Variants in ANKRD11 observed in about 807,000 individuals in gnomAD.
The protein encoded by ANKRD11 is ankyrin repeat domain-containing protein 11.
A neutral mutation model predicts 195.7 loss-of-function variants in ANKRD11; 17 were observed. That is an observed-to-expected ratio of 0.09 (90% CI 0.06 to 0.13). The LOEUF (loss-of-function observed/expected upper bound fraction) is 0.13, where lower values mean the gene tolerates loss of function less well. ANKRD11 is among the 10% of genes least tolerant of loss of function. The pLI is 1.00. For missense variants in ANKRD11, 3,735 were observed against 3,566.1 expected, an observed-to-expected ratio of 1.05 and a Z score of -1.21; for synonymous variants, 1,953 against 1,528.1, an observed-to-expected ratio of 1.28 and a Z score of -6.49.
At chr16:89,452,583 C>G (rs1206710451) in intron 1 of ANKRD11, among the ~76,000 whole-genome samples, 1 of 151,856 alleles carries the variant, frequency 6.6e-6, no homozygotes. Flanking sequence ...TTGAGACCAG[C>G]CTGGCCAACA....
chr16:89,483,948 A>C lies in ANKRD11; in HGVS notation c.-145+6297T>G, dbSNP rs370137077. Among the ~76,000 whole-genome samples the C allele has an allele frequency of 2.1e-4, 32 of 152,368 alleles. No homozygotes were observed. In the East Asian group the frequency reaches 5.6e-3, roughly 27 times the overall value. Reference sequence around the variant, plus strand: ...TCTATGTATGTAATTTAAATAAATTAGGAGCCAAACATACAATTATAGTGA... The same window carrying C: ...TCTATGTATGTAATTTAAATAAATTCGGAGCCAAACATACAATTATAGTGA... On this transcript the variant is annotated intron_variant, in intron 1 of 12. Coordinates refer to ENST00000301030, the MANE Select transcript of ANKRD11 (RefSeq NM_013275.6).
intron 2 of ANKRD11, among the ~76,000 whole-genome samples, chr16:89,406,952 G>C (rs1219449985): frequency 6.6e-6 from 1 of 152,188 alleles, no homozygotes; most frequent in African/African-American, 2.4e-5. Flanking sequence ...GCCAGGGGAA[G>C]GGGGAGCAGA....
chr16:89,437,485 A>T (rs2043263778), intron 1 of ANKRD11, among the ~76,000 whole-genome samples: 1 of 150,034 alleles, frequency 6.7e-6, no homozygotes. Context: ...TGTGCCTCCC[A>T]CTCTCTCACT....
intron 1 of ANKRD11, among the ~76,000 whole-genome samples, chr16:89,435,796 TCA>T (rs58503159): frequency 0.061 from 8,730 of 143,020 alleles, 345 homozygotes; most frequent in African/African-American, 0.11. Flanking sequence ...CACCAGCTCT[TCA>T]CACACACACA....
chr16:89,445,641 C>A (rs982689157), intron 1 of ANKRD11, among the ~76,000 whole-genome samples: 1 of 152,152 alleles, frequency 6.6e-6, no homozygotes, highest in Non-Finnish European at 1.5e-5. Context: ...TCTCAACATC[C>A]TCTTCAATAA....
chr16:89,419,286 T>C (rs2152235703), intron 1 of ANKRD11, among the ~76,000 whole-genome samples: 1 of 151,442 alleles, frequency 6.6e-6, no homozygotes, highest in East Asian at 2.0e-4. Context: ...ACCCCGTCTC[T>C]ACTGAAAATA....
At chr16:89,343,305 T>A (rs1286069484) in intron 2 of ANKRD11, among the ~76,000 whole-genome samples, 2 of 152,208 alleles carry the variant, frequency 1.3e-5, no homozygotes, top group Non-Finnish European at 2.9e-5. Flanking sequence ...AGCGCATTTT[T>A]TAAAAAGCAA....
At chr16:89,440,447 A>C (rs764664381) in intron 1 of ANKRD11, among the ~76,000 whole-genome samples, 18 of 152,090 alleles carry the variant, frequency 1.2e-4, no homozygotes, top group Non-Finnish European at 2.4e-4. Context: ...ACTTTGTAAC[A>C]ATAAAAACAG....
intron 2 of ANKRD11, among the ~76,000 whole-genome samples, chr16:89,375,759 T>C (rs1597832443): frequency 8.5e-6 from 1 of 117,058 alleles, no homozygotes; most frequent in African/African-American, 3.3e-5. Context: ...CCCAGCCGAC[T>C]CCGTCTCTTA....
Position 89,280,829 on chromosome 16 carries a change from C to A in ANKRD11, c.5713G>T (p.Gly1905Trp). The A allele has an allele frequency of 1.2e-6, 2 of 1,601,338 alleles. No individual in the cohort carries two copies. The highest frequency in any genetic ancestry group is 1.7e-6 in the Non-Finnish European group (2 of 1,170,414). ...GTGTCCAGGTCCGGGGGAAGGGCCCCTTCGAGGGAAGGAACCAGCAGCTCG... is the reference window on the plus strand; with the variant it reads ...GTGTCCAGGTCCGGGGGAAGGGCCCATTCGAGGGAAGGAACCAGCAGCTCG... The part of the protein sequence containing the change: ...RAELLVPSLE[G>W]ALPPDLDTSE... Residue 1905 changes from glycine to tryptophan, a missense_variant, in exon 9 of 13, where the codon GGG (glycine) becomes TGG (tryptophan). By Grantham distance (184) the Gly-to-Trp change is radical. Transcript: ENST00000301030.
intron 2 of ANKRD11, among the ~76,000 whole-genome samples, chr16:89,363,308 G>A (rs1332087254): frequency 6.6e-6 from 1 of 152,066 alleles, no homozygotes; most frequent in Admixed American, 6.6e-5. Flanking sequence ...ATGCGAATTT[G>A]TTATTTATGC....
chr16:89,329,345 ATGC>A (rs778384440), intron 2 of ANKRD11, among the ~76,000 whole-genome samples: 1 of 152,166 alleles, frequency 6.6e-6, no homozygotes, highest in Non-Finnish European at 1.5e-5. Flanking sequence ...GGCACAAGGG[ATGC>A]TGCTATTTTT....
chr16:89,486,857 A>C (rs1196880320), intron 1 of ANKRD11, among the ~76,000 whole-genome samples: 2 of 152,214 alleles, frequency 1.3e-5, no homozygotes, highest in African/African-American at 4.8e-5. Flanking sequence ...CAATAAAAAA[A>C]AATTAGCCGT....
chr16:89,366,520 G>A (rs768481917), intron 2 of ANKRD11, among the ~76,000 whole-genome samples: 39 of 152,164 alleles, frequency 2.6e-4, no homozygotes, highest in Admixed American at 7.2e-4. Context: ...TAACAGCCAT[G>A]CTGACTGGTG....
At chr16:89,333,689 T>C in intron 2 of ANKRD11, among the ~76,000 whole-genome samples, 1 of 152,216 alleles carries the variant, frequency 6.6e-6, no homozygotes, top group East Asian at 1.9e-4. Flanking sequence ...CTTGTAATAG[T>C]CTGTCGTCTG....
At chr16:89,322,248 C>G (rs769845616) in intron 2 of ANKRD11, among the ~76,000 whole-genome samples, 2 of 152,220 alleles carry the variant, frequency 1.3e-5, no homozygotes, top group African/African-American at 2.4e-5. Context: ...TCTCCCTGAA[C>G]AGATGTGACA....
Position 89,280,931 on chromosome 16 carries a change from C to G in ANKRD11, c.5611G>C (p.Ala1871Pro). 2 of 1,592,960 alleles carry G rather than the reference C, an allele frequency of 1.3e-6. No individual in the cohort carries two copies. The highest frequency in any genetic ancestry group is 2.3e-5 in the South Asian group (2 of 88,874). The change falls in exon 9 of 13, where the codon GCC becomes CCC. Residue 1871 changes from alanine to proline, a missense_variant. By Grantham distance (27) the Ala-to-Pro change is conservative. Coordinates refer to ENST00000301030, the MANE Select transcript of ANKRD11 (RefSeq NM_013275.6). ...KVDALHCPPAAVVTVTPSPEG... is the reference protein window; with the variant it reads ...KVDALHCPPAPVVTVTPSPEG... Reference sequence around the variant, plus strand: ...GGAGACGGGGTGACAGTGACAACGGCAGCCGGTGGGCAGTGCAAAGCGTCG... The same window carrying G: ...GGAGACGGGGTGACAGTGACAACGGGAGCCGGTGGGCAGTGCAAAGCGTCG...
chr16:89,372,405 C>T (rs972814089), intron 2 of ANKRD11, among the ~76,000 whole-genome samples: 1 of 152,176 alleles, frequency 6.6e-6, no homozygotes, highest in Admixed American at 6.5e-5. Flanking sequence ...ACAGCACGGA[C>T]GGGGTCGACA....
At chr16:89,410,313 T>C (rs1193272112) in intron 2 of ANKRD11, among the ~76,000 whole-genome samples, 2 of 152,164 alleles carry the variant, frequency 1.3e-5, no homozygotes, top group Non-Finnish European at 2.9e-5. Context: ...CCACCAGGAT[T>C]TGATATTTAG....
Sources: allele counts gnomAD v4.1 joint callset (sites outside exome capture counted in the v4.1 genomes callset), GRCh38; gene constraint gnomAD v4.1.1; transcripts MANE v1.5; gene names NCBI Gene and HGNC (gene_info 2026-07-23, HGNC 2026-07-21).